Variants in RNGTT observed in about 807,000 individuals in gnomAD.
The protein encoded by RNGTT is RNA guanylyltransferase and 5'-phosphatase.
In RNGTT, 33 loss-of-function variants were observed where a neutral mutation model predicts 79.3. That is an observed-to-expected ratio of 0.42 (90% CI 0.32 to 0.56). The LOEUF is 0.56. Ranked by LOEUF, RNGTT falls within the 20% of genes least tolerant of loss-of-function variation. The pLI, the probability that RNGTT is intolerant of heterozygous loss-of-function variation, is 0.17. For missense variants in RNGTT, 497 were observed against 739.1 expected, an observed-to-expected ratio of 0.67 and a Z score of 3.80; for synonymous variants, 222 against 235.9, an observed-to-expected ratio of 0.94 and a Z score of 0.54.
intron 11 of RNGTT, among the ~76,000 whole-genome samples, chr6:88,838,203 G>C (rs1200397544): frequency 6.6e-6 from 1 of 152,104 alleles, no homozygotes; most frequent in Non-Finnish European, 1.5e-5. Flanking sequence ...TATAGATGTG[G>C]AAGAAGACAA....
At chr6:88,858,488 C>A (rs76186161) in intron 8 of RNGTT, among the ~76,000 whole-genome samples, 93 of 152,188 alleles carry the variant, frequency 6.1e-4, no homozygotes, top group African/African-American at 2.0e-3. Context: ...GAAGGCATTC[C>A]AGAGGAATTC....
intron 13 of RNGTT, among the ~76,000 whole-genome samples, chr6:88,709,543 C>G (rs1776251894): frequency 1.3e-5 from 2 of 152,040 alleles, no homozygotes; most frequent in Admixed American, 1.3e-4. Context: ...GAAATACAAG[C>G]ACATATATAA....
chr6:88,651,752 CCCAAATTTTTATTTTAAA>C (rs1562171984), intron 14 of RNGTT, among the ~76,000 whole-genome samples: 1 of 151,736 alleles, frequency 6.6e-6, no homozygotes, highest in Middle Eastern at 3.4e-3. Flanking sequence ...TTCTTGCCCC[CCCAAATTTTTATTTTAAA>C]CCAAATTTCC....
rs186679712 is a variant in RNGTT, at chr6:88,620,955, T to C, written c.1507-6560A>G. 1.8e-3 allele frequency among the ~76,000 whole-genome samples: 268 copies of C among 152,330 alleles called. 1 individual carries two copies. The highest frequency in any genetic ancestry group is 0.014 in the Middle Eastern group (4 of 294). On this transcript the variant is annotated intron_variant, in intron 14 of 15. Coordinates refer to ENST00000369485, the MANE Select transcript of RNGTT (RefSeq NM_003800.5). The stretch of plus-strand genomic sequence containing the variant: ...CAGGACATGTAGTTGTGGTGTCCAA[T>C]CTGATTCCAAGGTTTGAGAAGTTGT...
intron 13 of RNGTT, among the ~76,000 whole-genome samples, chr6:88,747,805 C>T (rs995075686): frequency 6.6e-6 from 1 of 152,176 alleles, no homozygotes; most frequent in Non-Finnish European, 1.5e-5. Context: ...TGGAGCTATA[C>T]ATTCATTTGG....
chr6:88,952,816 C>A (rs931767768), intron 1 of RNGTT, among the ~76,000 whole-genome samples: 2 of 152,134 alleles, frequency 1.3e-5, no homozygotes, highest in African/African-American at 4.8e-5. Context: ...TCAGCACCAG[C>A]CTTAGGGCCT....
chr6:88,831,251 C>T (rs1435707613), intron 11 of RNGTT, among the ~76,000 whole-genome samples: 1 of 152,246 alleles, frequency 6.6e-6, no homozygotes, highest in East Asian at 1.9e-4. Flanking sequence ...ACGATCAAGT[C>T]GGATTAGTCC....
intron 14 of RNGTT, 180 bp downstream of exon 14, chr6:88,678,173 T>C: frequency 8.1e-7 from 1 of 1,231,334 alleles, no homozygotes; most frequent in Non-Finnish European, 1.0e-6. Context: ...ATTTTTCTTT[T>C]TGTAGAGACA....
At chr6:88,874,257 C>T (rs1171491962) in intron 8 of RNGTT, among the ~76,000 whole-genome samples, 2 of 152,010 alleles carry the variant, frequency 1.3e-5, no homozygotes, top group African/African-American at 4.8e-5. Context: ...CAGGGTATGC[C>T]ACATTTATTG....
intron 14 of RNGTT, among the ~76,000 whole-genome samples, chr6:88,620,765 G>C (rs1479729615): frequency 2.0e-5 from 3 of 152,128 alleles, no homozygotes; most frequent in Non-Finnish European, 4.4e-5. Flanking sequence ...TACATTTTTA[G>C]GGAAAGACAG....
chr6:88,876,142 G>A (rs1486597696), intron 8 of RNGTT, among the ~76,000 whole-genome samples: 1 of 152,128 alleles, frequency 6.6e-6, no homozygotes, highest in African/African-American at 2.4e-5. Flanking sequence ...ATAATCGAGG[G>A]TGAACTATTT....
At chr6:88,744,103 A>C (rs917058840) in intron 13 of RNGTT, among the ~76,000 whole-genome samples, 12 of 152,210 alleles carry the variant, frequency 7.9e-5, no homozygotes, top group African/African-American at 2.9e-4. Flanking sequence ...ACTATACAAT[A>C]AATTTCATTA....
At chr6:88,877,811 G>A (rs1435786237) in intron 8 of RNGTT, among the ~76,000 whole-genome samples, 5 of 151,990 alleles carry the variant, frequency 3.3e-5, no homozygotes, top group Admixed American at 2.0e-4. Context: ...TCACTTCCCC[G>A]TGATAAAAAA....
chr6:88,787,662 A>G (rs1259444878), intron 12 of RNGTT, among the ~76,000 whole-genome samples: 1 of 142,050 alleles, frequency 7.0e-6, no homozygotes, highest in Non-Finnish European at 1.5e-5. Context: ...TTCATTTCAA[A>G]AACAAAAAAA....
intron 14 of RNGTT, among the ~76,000 whole-genome samples, chr6:88,636,785 C>T (rs920207565): frequency 6.6e-6 from 1 of 151,572 alleles, no homozygotes; most frequent in African/African-American, 2.4e-5. Context: ...ACATACCACA[C>T]TGCTTCCCTT....
chr6:88,933,385 C>T (rs1218478605), intron 2 of RNGTT, among the ~76,000 whole-genome samples: 2 of 152,186 alleles, frequency 1.3e-5, no homozygotes, highest in Non-Finnish European at 2.9e-5. Flanking sequence ...TATGTTTGCA[C>T]TAACCAACCT....
At chr6:88,615,138 A>G (rs1017256929) in intron 14 of RNGTT, among the ~76,000 whole-genome samples, 2 of 152,354 alleles carry the variant, frequency 1.3e-5, no homozygotes, top group Admixed American at 1.3e-4. Context: ...TTTCATAAAT[A>G]GGAACCTAAG....
At chr6:88,753,239 A>G (rs991769503) in intron 13 of RNGTT, among the ~76,000 whole-genome samples, 8 of 152,222 alleles carry the variant, frequency 5.3e-5, no homozygotes, top group Non-Finnish European at 1.0e-4. Context: ...AAGGCCAGGC[A>G]CAGTGGCTCA....
chr6:88,826,818 GTGTGTGTATATATATATATATATATA>G (rs1467537411), intron 11 of RNGTT, among the ~76,000 whole-genome samples: 2 of 62,876 alleles, frequency 3.2e-5, no homozygotes, highest in Non-Finnish European at 5.9e-5. Context: ...ATATATATAT[GTGTGTGTATATATATATATATATATA>G]TGTGTGTGTG....
Sources: gnomAD v4.1 joint callset for allele counts (sites outside exome capture counted in the v4.1 genomes callset) on GRCh38, gnomAD v4.1.1 for gene constraint, MANE v1.5 for transcripts, NCBI Gene and HGNC (gene_info 2026-07-23, HGNC 2026-07-21) for gene names.